RGS6: variants seen among roughly 807,000 people sequenced by gnomAD.
RGS6 encodes the protein regulator of G-protein signaling 6.
In RGS6, 30 loss-of-function variants were observed where a neutral mutation model predicts 78.5. That is an observed-to-expected ratio of 0.38 (90% CI 0.29 to 0.52). RGS6 has a LOEUF of 0.52. Ranked by LOEUF, RGS6 falls within the 20% of genes least tolerant of loss-of-function variation. The probability of loss-of-function intolerance (pLI) is 0.85; values close to 1 mark genes in which losing one functional copy is unlikely to be tolerated. For synonymous variants in RGS6, 206 were observed against 206.0 expected, an observed-to-expected ratio of 1.00 and a Z score of 0.00; for missense variants, 495 against 609.7, an observed-to-expected ratio of 0.81 and a Z score of 1.98.
chr14:72,105,315 C>T (rs17179637), intron 2 of RGS6, among the ~76,000 whole-genome samples: 4,503 of 152,308 alleles, frequency 0.03, 94 homozygotes, highest in East Asian at 0.084. Flanking sequence ...ATGATCACCA[C>T]TCACATTTTG....
intron 17 of RGS6, chr14:72,540,885 G>C: frequency 5.1e-6 from 5 of 985,404 alleles, no homozygotes; most frequent in Non-Finnish European, 6.0e-6. Context: ...GGCACATAAA[G>C]ACAGCCGTGG....
intron 2 of RGS6, among the ~76,000 whole-genome samples, chr14:72,115,520 G>T (rs1038785919): frequency 3.3e-5 from 5 of 152,134 alleles, no homozygotes; most frequent in African/African-American, 1.2e-4. Flanking sequence ...ATGGAACTCA[G>T]CCTGCATCTG....
At chr14:72,228,920 C>T (rs910520558) in intron 2 of RGS6, among the ~76,000 whole-genome samples, 1 of 152,072 alleles carries the variant, frequency 6.6e-6, no homozygotes, top group Non-Finnish European at 1.5e-5. Flanking sequence ...CCGGGCAAGG[C>T]GGCAGGTGCC....
downstream of RGS6, among the ~76,000 whole-genome samples, chr14:72,570,905 C>T (rs2097719458): frequency 6.6e-6 from 1 of 152,122 alleles, no homozygotes; most frequent in Admixed American, 6.5e-5. Flanking sequence ...CAAAGTGTCC[C>T]ATCTTTGGCC....
At chr14:72,312,640 G>A (rs935370928) in intron 2 of RGS6, among the ~76,000 whole-genome samples, 2 of 152,212 alleles carry the variant, frequency 1.3e-5, no homozygotes, top group African/African-American at 2.4e-5. Flanking sequence ...AATCACAGAT[G>A]TGAAAGTTTG....
intron 2 of RGS6, among the ~76,000 whole-genome samples, chr14:72,344,106 G>C (rs1194197157): frequency 6.6e-6 from 1 of 152,028 alleles, no homozygotes; most frequent in Non-Finnish European, 1.5e-5. Flanking sequence ...CAAGCTCAGG[G>C]GAAAGACATT....
intron 2 of RGS6, among the ~76,000 whole-genome samples, chr14:72,252,699 C>T (rs847241): frequency 0.38 from 56,993 of 151,924 alleles, 11,226 homozygotes; most frequent in East Asian, 0.58. Context: ...TATGTCTACT[C>T]AAAGTAGGGC....
chr14:72,420,999 C>G (rs1025119789), intron 3 of RGS6: 1 of 152,068 alleles, frequency 6.6e-6, no homozygotes, highest in African/African-American at 2.4e-5. Flanking sequence ...GAAAGGAATG[C>G]CGGCCTCGAG....
intron 2 of RGS6, among the ~76,000 whole-genome samples, chr14:72,133,449 A>C (rs2096371047): frequency 6.6e-6 from 1 of 152,132 alleles, no homozygotes; most frequent in South Asian, 2.1e-4. Flanking sequence ...AAGCAGGAAA[A>C]TCGGTAAACG....
At chr14:72,295,398 A>G (rs1049794122) in intron 2 of RGS6, among the ~76,000 whole-genome samples, 6 of 152,252 alleles carry the variant, frequency 3.9e-5, no homozygotes, top group African/African-American at 1.4e-4. Flanking sequence ...GAGAGGAAAG[A>G]CAAGGAGTGC....
At chr14:72,454,047 G>C (rs990235608) in intron 3 of RGS6, among the ~76,000 whole-genome samples, 2 of 152,220 alleles carry the variant, frequency 1.3e-5, no homozygotes, top group Non-Finnish European at 2.9e-5. Flanking sequence ...AAGAGGTCTT[G>C]GTGAATACAT....
chr14:72,431,516 TTTTG>T (rs1219953679), intron 3 of RGS6, among the ~76,000 whole-genome samples: 21 of 143,778 alleles, frequency 1.5e-4, no homozygotes, highest in Non-Finnish European at 2.6e-4. Flanking sequence ...CCACACTTTA[TTTTG>T]TTTTATTTAT....
intron 2 of RGS6, among the ~76,000 whole-genome samples, chr14:71,995,579 A>G (rs1043725832): frequency 6.6e-6 from 1 of 152,168 alleles, no homozygotes; most frequent in Admixed American, 6.5e-5. Flanking sequence ...CAGTCTGTAA[A>G]TGGAGATAAT....
At chr14:72,238,659 G>A (rs908785035) in intron 2 of RGS6, among the ~76,000 whole-genome samples, 2 of 152,134 alleles carry the variant, frequency 1.3e-5, no homozygotes, top group African/African-American at 2.4e-5. Flanking sequence ...TGTAGAGGGA[G>A]TTATTGAAAA....
intron 2 of RGS6, among the ~76,000 whole-genome samples, chr14:72,317,675 C>T (rs905754394): frequency 1.3e-5 from 2 of 151,992 alleles, no homozygotes; most frequent in African/African-American, 2.4e-5. Context: ...GAAAGAAAAC[C>T]GAGTCTGTTA....
intron 2 of RGS6, among the ~76,000 whole-genome samples, chr14:71,976,600 T>C (rs1463181263): frequency 2.0e-5 from 3 of 152,220 alleles, no homozygotes; most frequent in Non-Finnish European, 2.9e-5. Context: ...CTCATTCTTT[T>C]TTATGGCTGC....
intron 2 of RGS6, among the ~76,000 whole-genome samples, chr14:72,091,310 C>T (rs1208336662): frequency 6.6e-6 from 1 of 152,110 alleles, no homozygotes; most frequent in Non-Finnish European, 1.5e-5. Flanking sequence ...AAGAGGAGTC[C>T]CGGACACCAC....
At chr14:72,123,199 C>T (rs965369495) in intron 2 of RGS6, among the ~76,000 whole-genome samples, 31 of 152,154 alleles carry the variant, frequency 2.0e-4, no homozygotes, top group African/African-American at 7.2e-4. Flanking sequence ...ATTCCTCCTG[C>T]ATCACCTCCC....
chr14:72,065,922 C>T (rs555046567), intron 2 of RGS6, among the ~76,000 whole-genome samples: 2 of 151,322 alleles, frequency 1.3e-5, no homozygotes, highest in Admixed American at 6.6e-5. Flanking sequence ...TCCCTCCCCC[C>T]CTCCCCCCAG....
Sources: allele counts gnomAD v4.1 joint callset (sites outside exome capture counted in the v4.1 genomes callset), GRCh38; gene constraint gnomAD v4.1.1; transcripts MANE v1.5; gene names NCBI Gene and HGNC (gene_info 2026-07-23, HGNC 2026-07-21).